The following ERC2 variants were observed in gnomAD, a reference collection of about 807,000 sequenced individuals.
The protein encoded by ERC2 is ELKS/RAB6-interacting/CAST family member 2.
A neutral mutation model predicts 114.8 loss-of-function variants in ERC2; 42 were observed. The observed-to-expected ratio is 0.37, with a 90% CI of 0.29 to 0.47. ERC2 has a LOEUF of 0.47. Among genes scored for constraint, ERC2 ranks in the 20% least tolerant of loss-of-function variants. ERC2 has a pLI of 0.99. For synonymous variants in ERC2, 454 were observed against 425.5 expected (o/e 1.07, Z -0.82); for missense variants, 939 against 1,150.7 (o/e 0.82, Z 2.66).
chr3:56,107,896 G>GA (rs1223825650), intron 6 of ERC2, among the ~76,000 whole-genome samples: 5 of 151,976 alleles, frequency 3.3e-5, no homozygotes, highest in Non-Finnish European at 7.4e-5. Context: ...CTCAACAACA[G>GA]AAAAAAATTG....
chr3:55,633,658 T>C (rs2059843520), intron 17 of ERC2, among the ~76,000 whole-genome samples: 1 of 152,196 alleles, frequency 6.6e-6, no homozygotes, highest in Non-Finnish European at 1.5e-5. Context: ...TGCCTGCTAT[T>C]TGCAAACACT....
intron 5 of ERC2, 118 bp from the exon 6 acceptor site, chr3:56,139,794 G>A: frequency 8.6e-7 from 1 of 1,159,506 alleles, no homozygotes; most frequent in South Asian, 1.4e-5. Context: ...CAACAAGGCA[G>A]GCCACGAATT....
chr3:56,334,869 A>T (rs2057782136), intron 2 of ERC2, among the ~76,000 whole-genome samples: 1 of 152,192 alleles, frequency 6.6e-6, no homozygotes, highest in African/African-American at 2.4e-5. Flanking sequence ...CAGTGGCGCA[A>T]TCTCGGCTCA....
chr3:55,915,676 G>A (rs2149372576), intron 13 of ERC2, among the ~76,000 whole-genome samples: 1 of 152,238 alleles, frequency 6.6e-6, no homozygotes, highest in Non-Finnish European at 1.5e-5. Flanking sequence ...ACTGGCTGAA[G>A]GATTGGAAGC....
At chr3:55,753,482 G>A (rs1388780415) in intron 14 of ERC2, among the ~76,000 whole-genome samples, 1 of 152,170 alleles carries the variant, frequency 6.6e-6, no homozygotes, top group African/African-American at 2.4e-5. Flanking sequence ...ACTATCAGGG[G>A]CATCCCTACT....
intron 17 of ERC2, among the ~76,000 whole-genome samples, chr3:55,558,104 C>T (rs1016392633): frequency 5.9e-5 from 9 of 152,202 alleles, no homozygotes; most frequent in Non-Finnish European, 1.2e-4. Flanking sequence ...ACATGAGCTA[C>T]CATCATATGA....
chr3:56,196,618 T>G (rs1275642884), intron 3 of ERC2, among the ~76,000 whole-genome samples: 1 of 150,296 alleles, frequency 6.7e-6, no homozygotes, highest in Non-Finnish European at 1.5e-5. Flanking sequence ...AAGACACAAA[T>G]AGATTTTAGC....
intron 17 of ERC2, among the ~76,000 whole-genome samples, chr3:55,526,830 T>C (rs962149617): frequency 6.6e-6 from 1 of 152,180 alleles, no homozygotes; most frequent in Non-Finnish European, 1.5e-5. Context: ...GACTTCCTCA[T>C]GCAGCTCAGC....
intron 13 of ERC2, among the ~76,000 whole-genome samples, chr3:55,942,783 T>C (rs1338256737): frequency 1.3e-5 from 2 of 152,202 alleles, no homozygotes; most frequent in Non-Finnish European, 2.9e-5. Context: ...GAATAGGAAC[T>C]GATTTAATAG....
In ERC2 at chr3:56,144,306, A is replaced by C. The variant is rs146346427; in HGVS notation, c.1306-4630T>G. On this transcript the variant is annotated intron_variant, in intron 5 of 17. Transcript: ENST00000288221. ...ACAAGAATATAGTATAAATAAAAAC[A>C]GGGAAAATCAGAATTAGGATTATCT... 3.0e-4 allele frequency among the ~76,000 whole-genome samples: 45 copies of C among 152,368 alleles called. 1 individual carries two copies. The Middle Eastern group carries it at 0.041, about 138-fold the overall frequency.
At chr3:56,456,562 A>T (rs1409959102) in intron 1 of ERC2, among the ~76,000 whole-genome samples, 1 of 152,222 alleles carries the variant, frequency 6.6e-6, no homozygotes, top group Non-Finnish European at 1.5e-5. Flanking sequence ...TTTCATACAT[A>T]CATAGCCTTT....
chr3:55,584,175 T>C (rs1334026887), intron 17 of ERC2, among the ~76,000 whole-genome samples: 1 of 152,162 alleles, frequency 6.6e-6, no homozygotes, highest in Non-Finnish European at 1.5e-5. Context: ...GGAAGCCTAT[T>C]GGTGAAGAGC....
Position 55,854,386 on chromosome 3 carries a change from T to TTTTGG in ERC2, c.2564+33998_2564+34002dup, listed in dbSNP as rs538567365. Among the ~76,000 whole-genome samples the TTTTGG allele has an allele frequency of 3.2e-3, 483 of 152,204 alleles. 1 individual carries two copies. The highest frequency in any genetic ancestry group is 0.01 in the African/African-American group (423 of 41,534). Reference sequence around the variant, plus strand: ...GTTGTTTTGTTTTGTTTTGTTTTGGTTTTGGTTTGGTTTGGTTTGGTTTGG... The same window carrying TTTTGG: ...GTTGTTTTGTTTTGTTTTGTTTTGGTTTTGGTTTGGTTTGGTTTGGTTTGGTTTGG... On this transcript the variant is annotated intron_variant, in intron 14 of 17. Coordinates refer to ENST00000288221, the MANE Select transcript of ERC2 (RefSeq NM_015576.3).
intron 17 of ERC2, among the ~76,000 whole-genome samples, chr3:55,573,351 G>A (rs986004211): frequency 3.9e-5 from 6 of 152,180 alleles, no homozygotes; most frequent in Non-Finnish European, 7.4e-5. Context: ...ATGAAGCCAG[G>A]CAACAGCAAG....
chr3:56,040,444 G>A (rs1245108518), intron 7 of ERC2, among the ~76,000 whole-genome samples: 6 of 150,264 alleles, frequency 4.0e-5, no homozygotes, highest in Non-Finnish European at 7.4e-5. Flanking sequence ...GTGTAATGAC[G>A]CACCTCAGCC....
chr3:55,977,660 G>A (rs2069699420), intron 12 of ERC2, among the ~76,000 whole-genome samples: 1 of 152,180 alleles, frequency 6.6e-6, no homozygotes, highest in African/African-American at 2.4e-5. Flanking sequence ...CCTCTGTAGA[G>A]GACGAGTGGT....
At chr3:55,674,603 C>T (rs1440594383) in intron 17 of ERC2, among the ~76,000 whole-genome samples, 1 of 152,168 alleles carries the variant, frequency 6.6e-6, no homozygotes, top group Non-Finnish European at 1.5e-5. Flanking sequence ...CTTATGTTTG[C>T]CCTCTGATGG....
intron 2 of ERC2, among the ~76,000 whole-genome samples, chr3:56,347,464 C>T (rs1269674906): frequency 2.0e-5 from 3 of 151,978 alleles, no homozygotes; most frequent in African/African-American, 7.3e-5. Context: ...TTCCTATTGG[C>T]TTCCTGCCCC....
intron 6 of ERC2, among the ~76,000 whole-genome samples, chr3:56,094,534 A>T (rs752604110): frequency 9.9e-5 from 15 of 152,152 alleles, no homozygotes; most frequent in Non-Finnish European, 1.8e-4. Flanking sequence ...CTTATTTCTG[A>T]GGGACTCAGT....
Sources: allele counts gnomAD v4.1 joint callset (sites outside exome capture counted in the v4.1 genomes callset), GRCh38; gene constraint gnomAD v4.1.1; transcripts MANE v1.5; gene names NCBI Gene and HGNC (gene_info 2026-07-23, HGNC 2026-07-21).